Variants in CYP24A1 observed in about 807,000 individuals in gnomAD.
CYP24A1 encodes 1,25-dihydroxyvitamin D(3) 24-hydroxylase, mitochondrial.
Under a neutral mutation model 62.4 loss-of-function variants are expected in CYP24A1, and 68 were observed. The observed-to-expected ratio is 1.09, with a 90% CI of 0.90 to 1.33. The LOEUF is 1.33. CYP24A1 is among the 40% of genes most tolerant of loss of function. The pLI, the probability that CYP24A1 is intolerant of heterozygous loss-of-function variation, is 0.00. For synonymous variants in CYP24A1, 267 were observed against 253.0 expected, an observed-to-expected ratio of 1.06 and a Z score of -0.52; for missense variants, 787 against 653.0, an observed-to-expected ratio of 1.21 and a Z score of -2.24.
At chr20:54,160,768 T>C (rs2092647464) in intron 7 of CYP24A1, among the ~76,000 whole-genome samples, 1 of 152,132 alleles carries the variant, frequency 6.6e-6, no homozygotes, top group South Asian at 2.1e-4. Flanking sequence ...AAGTACCAAA[T>C]AGAGTTTCCA....
At chr20:54,159,202 C>T in intron 7 of CYP24A1, 79 bp from the exon 8 acceptor site, 2 of 1,084,744 alleles carry the variant, frequency 1.8e-6, no homozygotes, top group Non-Finnish European at 2.8e-6. Flanking sequence ...AAAGGTGATG[C>T]CCACCACCTT....
intron 7 of CYP24A1, among the ~76,000 whole-genome samples, chr20:54,162,236 T>G (rs904919891): frequency 6.0e-5 from 8 of 133,118 alleles, no homozygotes; most frequent in African/African-American, 1.0e-4. Context: ...TTTTTTTTTT[T>G]TTTTTTTTTT....
At chr20:54,161,470 C>A (rs998236152) in intron 7 of CYP24A1, among the ~76,000 whole-genome samples, 2 of 152,240 alleles carry the variant, frequency 1.3e-5, no homozygotes, top group South Asian at 2.1e-4. Flanking sequence ...AGAGTGGGAA[C>A]CCTTGTCTCT....
chr20:54,156,127 T>C (rs531909384), intron 11 of CYP24A1, among the ~76,000 whole-genome samples: 1 of 152,310 alleles, frequency 6.6e-6, no homozygotes, highest in Non-Finnish European at 1.5e-5. Flanking sequence ...ACCTAGACCC[T>C]AGGGCTAAAT....
chr20:54,160,469 A>C (rs192906785), intron 7 of CYP24A1, among the ~76,000 whole-genome samples: 163 of 152,348 alleles, frequency 1.1e-3, no homozygotes, highest in Middle Eastern at 6.8e-3. Context: ...TGTGCCACTC[A>C]CACAAATGAG....
At chr20:54,170,074 C>T (rs184316316) in intron 3 of CYP24A1, among the ~76,000 whole-genome samples, 9 of 152,278 alleles carry the variant, frequency 5.9e-5, no homozygotes, top group Non-Finnish European at 1.2e-4. Context: ...AGCAGCTATC[C>T]TGAGGTGTGC....
At chr20:54,170,526 G>T (rs114050252) in intron 3 of CYP24A1, among the ~76,000 whole-genome samples, 2 of 151,916 alleles carry the variant, frequency 1.3e-5, no homozygotes, top group Non-Finnish European at 2.9e-5. Context: ...TAATTTGCCC[G>T]CATAGCGCAT....
chr20:54,161,133 C>A (rs2092648731), intron 7 of CYP24A1, among the ~76,000 whole-genome samples: 2 of 152,252 alleles, frequency 1.3e-5, no homozygotes, highest in Admixed American at 6.5e-5. Flanking sequence ...GCTAACATGG[C>A]CCATCCAATT....
Position 54,173,479 on chromosome 20 carries a change from G to C in CYP24A1, c.101C>G (p.Thr34Arg), listed in dbSNP as rs550482750. Residue 34 changes from threonine to arginine, a missense_variant, in exon 1 of 12, where the codon ACG becomes AGG. Thr to Arg is a moderately conservative substitution (Grantham distance 71). Transcript: ENST00000216862. The surrounding 1 kb of genome is among the most constrained non-coding windows in gnomAD (Gnocchi z 7.2). ...TGGCACCTCTCGCGGCTGAGGGGAC[G>C]TGTACGCCGTAGATGTCACCAGTCT... ...PPRLVTSTAY[T>R]SPQPREVPVC... 1.9e-6 allele frequency: 3 copies of C among 1,564,490 alleles called. No homozygotes were observed. The highest frequency in any genetic ancestry group is 2.3e-5 in the South Asian group (2 of 85,464).
chr20:54,171,170 A>C (rs770530701), intron 3 of CYP24A1, among the ~76,000 whole-genome samples: 2 of 152,152 alleles, frequency 1.3e-5, no homozygotes, highest in Non-Finnish European at 2.9e-5. Context: ...AGAACTTTAC[A>C]ATGTTATCTC....
At chr20:54,163,725 T>C (rs2092660966) in intron 6 of CYP24A1, among the ~76,000 whole-genome samples, 3 of 152,238 alleles carry the variant, frequency 2.0e-5, no homozygotes, top group Admixed American at 2.0e-4. Context: ...TCCACGGAGA[T>C]ACTGTGATAT....
intron 4 of CYP24A1, among the ~76,000 whole-genome samples, chr20:54,168,053 C>T (rs1478146845): frequency 6.6e-6 from 1 of 152,182 alleles, no homozygotes; most frequent in Non-Finnish European, 1.5e-5. Flanking sequence ...TCATTCCGCA[C>T]TTCTTCTGCA....
chr20:54,157,763 C>G (rs2092634768), intron 9 of CYP24A1, among the ~76,000 whole-genome samples, 178 bp from the exon 10 acceptor site: 1 of 152,152 alleles, frequency 6.6e-6, no homozygotes. Flanking sequence ...AGGTAAAGGG[C>G]TTTAGAATTG....
At chr20:54,163,786 A>G (rs921733056) in intron 6 of CYP24A1, among the ~76,000 whole-genome samples, 2 of 151,880 alleles carry the variant, frequency 1.3e-5, no homozygotes, top group South Asian at 2.1e-4. Flanking sequence ...AAACAGTTAC[A>G]TTGAGGTAGG....
intron 2 of CYP24A1, chr20:54,171,891 G>C (rs1333386849): frequency 8.7e-7 from 1 of 1,151,844 alleles, no homozygotes; most frequent in Non-Finnish European, 1.2e-6. Flanking sequence ...TTTCCTCCTA[G>C]TCAAAGATTG....
rs1568976646 is a variant in CYP24A1, at chr20:54,173,450, A to C, written c.130T>G (p.Cys44Gly). ...GTCTCGCCACCAGCTGTCAGCGGGC[A>C]GACTGGCACCTCTCGCGGCTGAGGG... ...TSPQPREVPV[C>G]PLTAGGETQN... The change falls in exon 1 of 12, where the codon TGC becomes GGC. Residue 44 changes from cysteine (C) to glycine (G), a missense_variant. By Grantham distance (159) the Cys-to-Gly change is radical. Coordinates refer to ENST00000216862, the MANE Select transcript of CYP24A1 (RefSeq NM_000782.5). The surrounding 1 kb of genome is among the most constrained non-coding windows in gnomAD (Gnocchi z 7.2). 1 of 1,568,488 alleles carries C rather than the reference A, an allele frequency of 6.4e-7. No individual in the cohort carries two copies. The highest frequency in any genetic ancestry group is 2.4e-5 in the East Asian group (1 of 42,114).
At position 54,157,186 on chromosome 20, in the gene CYP24A1, T is replaced by C; in HGVS notation, c.1538A>G (p.Gln513Arg). ...ATGCTCACCTGAGGCGTATTATCGC[T>C]GGCAAAACGCGATGGGGAGTTCCCG... ...PSRELPIAFC[Q>R]R Residue 513 changes from glutamine to arginine, a missense_variant, in exon 11 of 12, where the codon CAG becomes CGG. Coordinates refer to ENST00000216862, the MANE Select transcript of CYP24A1 (RefSeq NM_000782.5). The C allele has an allele frequency of 6.3e-7, 1 of 1,578,466 alleles. No individual in the cohort carries two copies. The highest frequency in any genetic ancestry group is 8.7e-7 in the Non-Finnish European group (1 of 1,147,924).
chr20:54,167,021 G>T (rs577611537), intron 4 of CYP24A1, among the ~76,000 whole-genome samples: 8 of 152,164 alleles, frequency 5.3e-5, no homozygotes, highest in African/African-American at 1.9e-4. Context: ...ACCCTAGCCT[G>T]AGTGACACAG....
At chr20:54,150,411 G>A (rs1454343135), downstream of CYP24A1, among the ~76,000 whole-genome samples, 2 of 133,672 alleles carry the variant, frequency 1.5e-5, no homozygotes, top group Non-Finnish European at 3.1e-5. Flanking sequence ...TCGGCTCTCT[G>A]TAACCTCCGC....
Sources: gnomAD v4.1 joint callset for allele counts (sites outside exome capture counted in the v4.1 genomes callset) on GRCh38, gnomAD v4.1.1 for gene constraint, Gnocchi (gnomAD v3.1) non-coding constraint, MANE v1.5 for transcripts, NCBI Gene and HGNC (gene_info 2026-07-23, HGNC 2026-07-21) for gene names.